The following NSMCE1 variants were observed in gnomAD, a reference collection of about 807,000 sequenced individuals.
NSMCE1 encodes NSE1 component of SMC5/6 complex.
Under a neutral mutation model 29.6 loss-of-function variants are expected in NSMCE1, and 18 were observed. That is an observed-to-expected ratio of 0.61 (90% CI 0.42 to 0.90). NSMCE1 has a LOEUF of 0.90. Ranked by LOEUF, NSMCE1 falls within the 40% of genes least tolerant of loss-of-function variation. NSMCE1 has a pLI of 0.00. For missense variants in NSMCE1, 314 were observed against 343.6 expected (o/e 0.91, Z 0.68); for synonymous variants, 124 against 133.4 (o/e 0.93, Z 0.49).
intron 2 of NSMCE1, chr16:27,242,030 A>G (rs2083901280): frequency 3.2e-6 from 1 of 315,834 alleles, no homozygotes; most frequent in South Asian, 2.5e-5. Context: ...GAATACTTCA[A>G]AATAACGTGG....
At chr16:27,228,066 T>C (rs1423112147) in intron 5 of NSMCE1, among the ~76,000 whole-genome samples, 1 of 152,110 alleles carries the variant, frequency 6.6e-6, no homozygotes, top group Non-Finnish European at 1.5e-5. Context: ...ATTGCAGGCG[T>C]GAGTCACCGC....
chr16:27,239,982 C>T (rs118179628), intron 2 of NSMCE1, among the ~76,000 whole-genome samples: 1,652 of 152,272 alleles, frequency 0.011, 18 homozygotes, highest in Middle Eastern at 0.061. Context: ...TCACATGGTT[C>T]ATTTCATCAT....
At chr16:27,256,876 A>C (rs1307436120) in intron 2 of NSMCE1, among the ~76,000 whole-genome samples, 1 of 151,846 alleles carries the variant, frequency 6.6e-6, no homozygotes, top group East Asian at 1.9e-4. Context: ...TTTATAATTT[A>C]TTTTCTTTTT....
intron 1 of NSMCE1, among the ~76,000 whole-genome samples, chr16:27,267,744 T>C (rs2084242617): frequency 6.6e-6 from 1 of 152,016 alleles, no homozygotes; most frequent in South Asian, 2.1e-4. Context: ...ATTTTTTTTT[T>C]TGAGACGGAG....
chr16:27,242,893 A>G (rs2083909826), intron 2 of NSMCE1, among the ~76,000 whole-genome samples: 1 of 152,164 alleles, frequency 6.6e-6, no homozygotes, highest in South Asian at 2.1e-4. Context: ...AGGGGACGGG[A>G]GAGAGGCTTC....
At chr16:27,245,366 C>T (rs114070664) in intron 2 of NSMCE1, among the ~76,000 whole-genome samples, 28 of 152,364 alleles carry the variant, frequency 1.8e-4, no homozygotes, top group African/African-American at 6.5e-4. Flanking sequence ...AGTACTTCCA[C>T]GCATCAGCAC....
rs767114405 is a variant in NSMCE1, at chr16:27,225,225, G to A, written c.733C>T (p.Pro245Ser). The change falls in exon 8 of 8, where the codon CCT (proline) becomes TCT (serine). Residue 245 changes from proline to serine, a missense_variant. Coordinates refer to ENST00000361439, the MANE Select transcript of NSMCE1 (RefSeq NM_145080.4). ...WPHEIPKVFDPEKERESGVLK... is the reference protein window; with the variant it reads ...WPHEIPKVFDSEKERESGVLK... ...ACACCAGACTCCCTCTCCTTCTCAG[G>A]GTCGAAGACTTCTGTAGACAGAAAA... 1.9e-6 allele frequency: 3 copies of A among 1,602,072 alleles called. No individual in the cohort carries two copies. Among genetic ancestry groups the A allele is most frequent in the African/African-American group, 2.7e-5 (2 of 74,714 alleles).
intron 3 of NSMCE1, 131 bp from the exon 4 acceptor site, chr16:27,234,396 C>T (rs892775306): frequency 9.8e-5 from 69 of 700,948 alleles, no homozygotes; most frequent in Non-Finnish European, 1.5e-4. Context: ...CACTGCGGGC[C>T]GCAGGGATGG....
chr16:27,248,406 CT>C (rs756697569), intron 2 of NSMCE1, among the ~76,000 whole-genome samples: 548 of 84,754 alleles, frequency 6.5e-3, no homozygotes, highest in South Asian at 0.033. Context: ...TTTTAGTTTG[CT>C]TTTTTTTTTT....
chr16:27,245,485 G>A (rs187386100), intron 2 of NSMCE1, among the ~76,000 whole-genome samples: 1 of 152,230 alleles, frequency 6.6e-6, no homozygotes, highest in African/African-American at 2.4e-5. Flanking sequence ...GCAACTCCAT[G>A]CTGGCCTGAA....
rs1567281269 is a variant in NSMCE1 at position 27,251,188 on chromosome 16, AT to A, written c.136+6246del. Among the ~76,000 whole-genome samples, 100 of 57,066 alleles carry A rather than the reference AT, an allele frequency of 1.8e-3. 1 individual carries two copies. Among genetic ancestry groups the A allele is most frequent in the East Asian group, 0.013 (17 of 1,270 alleles). The allele number at this position is 57,066 out of a possible 152,430, so 37.4% of individuals were successfully genotyped here. A position where few individuals can be genotyped will look rare whatever the true frequency, so the allele number is the denominator to read the frequency against. ...TATATATATATATATATATATATAT[AT>A]AAATATATATATATATATAAAACTC... On this transcript the variant is annotated intron_variant, in intron 2 of 7. Coordinates refer to ENST00000361439, the MANE Select transcript of NSMCE1 (RefSeq NM_145080.4).
chr16:27,228,455 C>T (rs1009114879), intron 5 of NSMCE1, among the ~76,000 whole-genome samples: 1 of 152,078 alleles, frequency 6.6e-6, no homozygotes, highest in African/African-American at 2.4e-5. Context: ...CTCCCAAATC[C>T]ATCATGGCAC....
At chr16:27,243,007 T>C (rs12924419) in intron 2 of NSMCE1, among the ~76,000 whole-genome samples, 94,871 of 152,092 alleles carry the variant, frequency 0.62, 31,055 homozygotes, top group East Asian at 0.84. Context: ...TGGACAAATC[T>C]GATGCCTACA....
chr16:27,268,451 T>C (rs1197696689), intron 1 of NSMCE1: 1 of 152,348 alleles, frequency 6.6e-6, no homozygotes, highest in East Asian at 1.9e-4. Context: ...TAGTAAGATT[T>C]TTAGATGTCT....
chr16:27,262,906 AAAG>A (rs2084176257), intron 1 of NSMCE1, among the ~76,000 whole-genome samples: 1 of 152,224 alleles, frequency 6.6e-6, no homozygotes, highest in East Asian at 1.9e-4. Context: ...CATTTTTCAA[AAAG>A]AAGACATACA....
At chr16:27,241,531 T>G in intron 2 of NSMCE1, 1 of 188,224 alleles carries the variant, frequency 5.3e-6, no homozygotes, top group Non-Finnish European at 1.1e-5. Flanking sequence ...GCTGGGGAGG[T>G]TTGTGAGGGG....
At chr16:27,245,389 A>G (rs1313358817) in intron 2 of NSMCE1, among the ~76,000 whole-genome samples, 4 of 152,212 alleles carry the variant, frequency 2.6e-5, no homozygotes, top group Non-Finnish European at 4.4e-5. Flanking sequence ...AACCTCTCTC[A>G]TGTCTGGGAT....
At chr16:27,260,767 G>A (rs2084145656) in intron 1 of NSMCE1, among the ~76,000 whole-genome samples, 1 of 148,308 alleles carries the variant, frequency 6.7e-6, no homozygotes, top group South Asian at 2.2e-4. Context: ...GCTGAGGTGG[G>A]AAGATTGCTT....
Position 27,226,081 on chromosome 16 carries a change from A to T in NSMCE1, c.601-235T>A, listed in dbSNP as rs34561002. 3 of 425,818 alleles carry T rather than the reference A, an allele frequency of 7.0e-6. No homozygotes were observed. In the South Asian group the frequency reaches 8.3e-5, roughly 12 times the overall value. The allele number at this position is 425,818 out of a possible 1,614,324, so 26.4% of individuals were successfully genotyped here. A position where few individuals can be genotyped will look rare whatever the true frequency, so the allele number is the denominator to read the frequency against. On this transcript the variant is annotated intron_variant, in intron 6 of 7. Coordinates refer to ENST00000361439, the MANE Select transcript of NSMCE1 (RefSeq NM_145080.4). ...CTGAACACATGAACGCAGTGACAGA[A>T]GCCGAGGGCTCCCAAACTCCTGCAC...
Sources: gnomAD v4.1 joint callset for allele counts (sites outside exome capture counted in the v4.1 genomes callset) on GRCh38, gnomAD v4.1.1 for gene constraint, MANE v1.5 for transcripts, NCBI Gene and HGNC (gene_info 2026-07-23, HGNC 2026-07-21) for gene names.